Variants in AHNAK observed in about 807,000 individuals in gnomAD.
AHNAK encodes the protein AHNAK nucleoprotein.
AHNAK carries 23 observed loss-of-function variants against 37.8 expected under a neutral mutation model. The observed-to-expected ratio is 0.61, with a 90% CI of 0.44 to 0.86. The LOEUF is 0.86. Among genes scored for constraint, AHNAK ranks in the 40% least tolerant of loss-of-function variants. AHNAK has a pLI of 0.00. For synonymous variants in AHNAK, 2,481 were observed against 2,636.3 expected (o/e 0.94, Z 1.80); for missense variants, 7,411 against 7,319.4 (o/e 1.01, Z -0.46).
chr11:62,476,919 G>A (rs941040459), intron 5 of AHNAK, among the ~76,000 whole-genome samples: 1 of 152,152 alleles, frequency 6.6e-6, no homozygotes, highest in Non-Finnish European at 1.5e-5. Context: ...TCAGCAAATT[G>A]ATGAGATGCA....
At chr11:62,491,335 C>T (rs996912684) in intron 5 of AHNAK, among the ~76,000 whole-genome samples, 2 of 152,142 alleles carry the variant, frequency 1.3e-5, no homozygotes, top group Non-Finnish European at 2.9e-5. Context: ...TTTCTACACT[C>T]TGGTAGATCT....
rs1052551790 is a variant in AHNAK at position 62,528,309 on chromosome 11, A to T, written c.6108T>A (p.Asp2036Glu). 17 of 1,613,998 alleles carry T rather than the reference A, an allele frequency of 1.1e-5. No homozygotes were observed. In the Middle Eastern group the frequency reaches 1.5e-3, roughly 140 times the overall value. Residue 2036 changes from aspartate (D) to glutamate (E), a missense_variant, in exon 5 of 5, where the codon GAT becomes GAA. Transcript: ENST00000378024. ...KGPKMDIDAP[D>E]VDVHGPDWHL... Reference sequence around the variant, plus strand: ...GCCAGTCTGGGCCATGAACATCCACATCTGGGGCATCAATGTCCATTTTGG... The same window carrying T: ...GCCAGTCTGGGCCATGAACATCCACTTCTGGGGCATCAATGTCCATTTTGG...
intron 5 of AHNAK, among the ~76,000 whole-genome samples, chr11:62,486,084 T>C (rs886457396): frequency 4.8e-5 from 7 of 146,288 alleles, no homozygotes; most frequent in Admixed American, 2.7e-4. Context: ...AAATATAACA[T>C]AGATGAACCC....
downstream of AHNAK, among the ~76,000 whole-genome samples, chr11:62,513,151 C>T (rs1295975566): frequency 6.6e-6 from 1 of 152,200 alleles, no homozygotes; most frequent in African/African-American, 2.4e-5. Context: ...CAGAGTCCAG[C>T]CCCTTCCCAG....
Position 62,523,222 on chromosome 11 carries a change from T to C in AHNAK, c.11195A>G (p.Lys3732Arg), listed in dbSNP as rs774146580. ...CAGGTGCATCTCTGGTATCTTAAAT[T>C]TGGGTCCCTTGAATTTACCCTCTGA... The part of the protein sequence containing the change: ...EGSEGKFKGP[K>R]FKIPEMHLKA... The change falls in exon 5 of 5, where the codon AAA becomes AGA. Residue 3732 changes from lysine (K) to arginine (R), a missense_variant. Lys to Arg is a conservative substitution (Grantham distance 26, BLOSUM62 2). Coordinates refer to ENST00000378024, the MANE Select transcript of AHNAK (RefSeq NM_001620.3). The C allele has an allele frequency of 1.2e-6, 2 of 1,613,784 alleles. No homozygotes were observed. Among genetic ancestry groups the C allele is most frequent in the Non-Finnish European group, 1.7e-6 (2 of 1,179,878 alleles).
Position 62,521,311 on chromosome 11 carries a change from T to C in AHNAK, c.13106A>G (p.Lys4369Arg). The change falls in exon 5 of 5, where the codon AAG becomes AGG. Residue 4369 changes from lysine to arginine, a missense_variant. By Grantham distance (26) the Lys-to-Arg change is conservative (BLOSUM62 2). Coordinates refer to ENST00000378024, the MANE Select transcript of AHNAK (RefSeq NM_001620.3). ...VSIEGPDAKL[K>R]GPKFKMPEMN... ...CTCTGGCATCTTGAACTTTGGACCC[T>C]TGAGTTTTGCATCTGGACCTTCGAT... is the stretch of plus-strand genomic sequence containing the variant. 1 of 1,613,596 alleles carries C rather than the reference T, an allele frequency of 6.2e-7. No homozygotes were observed. The highest frequency in any genetic ancestry group is 8.5e-7 in the Non-Finnish European group (1 of 1,179,914).
At chr11:62,451,892 C>G (rs1394582397) in intron 5 of AHNAK, among the ~76,000 whole-genome samples, 1 of 150,048 alleles carries the variant, frequency 6.7e-6, no homozygotes, top group Non-Finnish European at 1.5e-5. Flanking sequence ...ACTGCAAGCT[C>G]CGCCTCCCAG....
At chr11:62,478,510 T>G (rs982504470) in intron 5 of AHNAK, among the ~76,000 whole-genome samples, 1 of 152,052 alleles carries the variant, frequency 6.6e-6, no homozygotes, top group African/African-American at 2.4e-5. Context: ...AGGTTGGGGC[T>G]TGGAGATGGA....
Position 62,523,277 on chromosome 11 carries a change from T to C in AHNAK, c.11140A>G (p.Ile3714Val), listed in dbSNP as rs1940337919. ...EVDIKGPKVD[I>V]DTPDINIEGS... ...TCGATGTTAATGTCAGGAGTGTCAA[T>C]GTCCACTTTGGGGCCCTTGATGTCC... Residue 3714 changes from isoleucine (I) to valine (V), a missense_variant, in exon 5 of 5, where the codon ATT becomes GTT. Coordinates refer to ENST00000378024, the MANE Select transcript of AHNAK (RefSeq NM_001620.3). The C allele has an allele frequency of 1.2e-6, 2 of 1,613,872 alleles. No individual in the cohort carries two copies. The highest frequency in any genetic ancestry group is 1.7e-6 in the Non-Finnish European group (2 of 1,179,878).
chr11:62,454,188 C>T (rs1283331294), intron 5 of AHNAK, among the ~76,000 whole-genome samples: 1 of 151,122 alleles, frequency 6.6e-6, no homozygotes, highest in African/African-American at 2.4e-5. Flanking sequence ...CGGAGGCGGG[C>T]GGATCACGAG....
Position 62,528,997 on chromosome 11 carries a change from T to C in AHNAK, c.5420A>G (p.Glu1807Gly). Residue 1807 changes from glutamate (E) to glycine (G), a missense_variant, in exon 5 of 5, where the codon GAA (glutamate) becomes GGA (glycine). Physicochemically the swap from Glu to Gly is moderately conservative, Grantham distance 98. Transcript: ENST00000378024. Reference protein sequence around the residue: ...GEIDASVPELEGDLRGPQVDV... With the variant: ...GEIDASVPELGGDLRGPQVDV... ...AACTTGCGGCCCTCTGAGATCACCT[T>C]CCAGTTCTGGCACAGAAGCATCTAT... 6.2e-7 allele frequency: 1 copy of C among 1,614,202 alleles called. No individual in the cohort carries two copies. Among genetic ancestry groups the C allele is most frequent in the Non-Finnish European group, 8.5e-7 (1 of 1,180,030 alleles).
chr11:62,528,609 G>A lies in AHNAK; in HGVS notation c.5808C>T (p.Val1936=). 6.2e-7 allele frequency: 1 copy of A among 1,609,958 alleles called. No homozygotes were observed. The highest frequency in any genetic ancestry group is 8.5e-7 in the Non-Finnish European group (1 of 1,179,166). Residue 1936 remains valine (V), a synonymous_variant, in exon 5 of 5, where the codon GTC becomes GTT. Transcript: ENST00000378024. ...GCACCGACACATCCACATCCCCTTT[G>A]ACTTTGGGGCCTTTCAAGTGTAAGT... is the stretch of plus-strand genomic sequence containing the variant. ...DVDLHLKGPK[V]KGDVDVSVPK...
Position 62,528,109 on chromosome 11 carries a change from G to A in AHNAK, c.6308C>T (p.Pro2103Leu), listed in dbSNP as rs1475631269. The A allele has an allele frequency of 6.2e-7, 1 of 1,611,760 alleles. No homozygotes were observed. Among genetic ancestry groups the A allele is most frequent in the Admixed American group, 1.7e-5 (1 of 59,702 alleles). Residue 2103 changes from proline to leucine, a missense_variant, in exon 5 of 5, where the codon CCC becomes CTC. Pro to Leu is a moderately conservative substitution (Grantham distance 98). Transcript: ENST00000378024. ...GTGCATCTCAGGCATCTTAAGCTTGGGGCCCTTCAGCTTCCCTTCTGGACC... is the reference window on the plus strand; with the variant it reads ...GTGCATCTCAGGCATCTTAAGCTTGAGGCCCTTCAGCTTCCCTTCTGGACC... ...LEGPEGKLKG[P>L]KLKMPEMHFK...
chr11:62,448,739 A>C (rs1319422434), intron 5 of AHNAK, among the ~76,000 whole-genome samples: 12 of 152,180 alleles, frequency 7.9e-5, no homozygotes, highest in Non-Finnish European at 1.8e-4. Flanking sequence ...GCTGGAGCCC[A>C]AGGAGTTGGG....
intron 5 of AHNAK, among the ~76,000 whole-genome samples, chr11:62,472,749 G>A (rs1199108695): frequency 6.6e-6 from 1 of 152,072 alleles, no homozygotes; most frequent in Non-Finnish European, 1.5e-5. Context: ...GACAAATGCT[G>A]TATAACTCCA....
chr11:62,525,719 G>T lies in AHNAK; in HGVS notation c.8698C>A (p.Pro2900Thr), dbSNP rs779384549. The T allele has an allele frequency of 1.9e-6, 3 of 1,613,170 alleles. No individual in the cohort carries two copies. In the African/African-American group the frequency reaches 4.0e-5, roughly 22 times the overall value. ...TTGAAGCCAGGCATGCTGAACTTGG[G>T]CATTTTCATCTTGGGCATCTTCAGG... The part of the protein sequence containing the change: ...WHLKMPKMKM[P>T]KFSMPGFKAE... Residue 2900 changes from proline (P) to threonine (T), a missense_variant, in exon 5 of 5, where the codon CCC becomes ACC. Transcript: ENST00000378024.
In AHNAK at chr11:62,490,204, T is replaced by TC. The variant is rs1377941017; in HGVS notation, c.442+1527_442+1528insG. 1.0e-4 allele frequency among the ~76,000 whole-genome samples: 14 copies of TC among 140,256 alleles called. No individual in the cohort carries two copies. In the South Asian group the frequency reaches 3.3e-3, roughly 33 times the overall value. 92.0% of individuals were successfully genotyped at this position (140,256 alleles called of 152,430 possible). A position where few individuals can be genotyped will look rare whatever the true frequency, so the allele number is the denominator to read the frequency against. On this transcript the variant is annotated intron_variant, in intron 5 of 5. Transcript: ENST00000257247. The stretch of plus-strand genomic sequence containing the variant: ...TTTCTTTCTTTTCTTTTTCTTTTTT[T>TC]TTTTTTTTTTTTTTTGAGACAGAGT...
intron 5 of AHNAK, among the ~76,000 whole-genome samples, chr11:62,478,452 C>T (rs1939194248): frequency 6.6e-6 from 1 of 152,124 alleles, no homozygotes; most frequent in Non-Finnish European, 1.5e-5. Context: ...GGACAGGGTG[C>T]CGGGTGCCGG....
intron 5 of AHNAK, among the ~76,000 whole-genome samples, chr11:62,473,474 C>A (rs10897282): frequency 6.7e-6 from 1 of 149,056 alleles, no homozygotes; most frequent in Non-Finnish European, 1.5e-5. Context: ...GGCGGGTGGA[C>A]CACAAGGTCA....
Sources: gnomAD v4.1 joint callset for allele counts (sites outside exome capture counted in the v4.1 genomes callset) on GRCh38, gnomAD v4.1.1 for gene constraint, MANE v1.5 for transcripts, NCBI Gene and HGNC (gene_info 2026-07-23, HGNC 2026-07-21) for gene names.